The following GSK3B variants were observed in gnomAD, a reference collection of about 807,000 sequenced individuals.
GSK3B encodes the protein glycogen synthase kinase 3 beta.
GSK3B carries 15 observed loss-of-function variants against 56.4 expected under a neutral mutation model. That is an observed-to-expected ratio of 0.27 (90% CI 0.18 to 0.41). The LOEUF (loss-of-function observed/expected upper bound fraction) is 0.41, where lower values mean the gene tolerates loss of function less well. Ranked by LOEUF, GSK3B falls within the 10% of genes least tolerant of loss-of-function variation. The pLI is 1.00. For missense variants in GSK3B, 300 were observed against 513.4 expected (o/e 0.58, Z 4.02); for synonymous variants, 181 against 188.9 (o/e 0.96, Z 0.34).
At chr3:119,966,605 G>C (rs1049224814) in intron 2 of GSK3B, among the ~76,000 whole-genome samples, 1 of 152,184 alleles carries the variant, frequency 6.6e-6, no homozygotes, top group African/African-American at 2.4e-5. Context: ...TAAGGAATCA[G>C]AGAGACTGGC....
At chr3:119,847,280 A>T (rs2055868759) in intron 9 of GSK3B, among the ~76,000 whole-genome samples, 2 of 152,036 alleles carry the variant, frequency 1.3e-5, no homozygotes, top group South Asian at 4.1e-4. Context: ...CAGAACTTAA[A>T]GTATAATAAT....
intron 1 of GSK3B, among the ~76,000 whole-genome samples, chr3:120,052,071 CTCT>C (rs2058155033): frequency 6.6e-6 from 1 of 152,128 alleles, no homozygotes; most frequent in African/African-American, 2.4e-5. Context: ...CTAAATGTGC[CTCT>C]TCTTTATAAA....
At chr3:120,023,425 C>T (rs1167596526) in intron 1 of GSK3B, among the ~76,000 whole-genome samples, 1 of 151,004 alleles carries the variant, frequency 6.6e-6, no homozygotes, top group Non-Finnish European at 1.5e-5. Flanking sequence ...CCTTTTTTCT[C>T]ACCAATTTCC....
intron 7 of GSK3B, among the ~76,000 whole-genome samples, chr3:119,888,148 C>T (rs1391393983): frequency 6.6e-6 from 1 of 152,086 alleles, no homozygotes; most frequent in Non-Finnish European, 1.5e-5. Context: ...GAATAGAGAG[C>T]ACCAAAAATG....
At chr3:120,042,626 T>C (rs1268104988) in intron 1 of GSK3B, among the ~76,000 whole-genome samples, 1 of 152,116 alleles carries the variant, frequency 6.6e-6, no homozygotes, top group Admixed American at 6.5e-5. Context: ...GCCAATAATA[T>C]AGTTAAGGCA....
At chr3:119,837,368 T>C (rs573403992) in intron 10 of GSK3B, among the ~76,000 whole-genome samples, 2 of 151,070 alleles carry the variant, frequency 1.3e-5, no homozygotes, top group East Asian at 3.9e-4. Context: ...GGTTTCACCA[T>C]GTTGGCCAGG....
chr3:120,056,664 T>TAC (rs2058193768), intron 1 of GSK3B, among the ~76,000 whole-genome samples: 1 of 151,944 alleles, frequency 6.6e-6, no homozygotes. Context: ...TTTTTAAGAG[T>TAC]ACTAAGGAGT....
At chr3:119,998,992 G>A (rs903478621) in intron 2 of GSK3B, among the ~76,000 whole-genome samples, 1 of 152,076 alleles carries the variant, frequency 6.6e-6, no homozygotes, top group Admixed American at 6.5e-5. Flanking sequence ...CTATATCAAG[G>A]TTTAAAGTTT....
chr3:119,870,819 T>C (rs1333708312), intron 8 of GSK3B, among the ~76,000 whole-genome samples: 1 of 152,080 alleles, frequency 6.6e-6, no homozygotes, highest in East Asian at 1.9e-4. Context: ...TGATTTACCA[T>C]AAGCAATAGA....
chr3:120,019,788 A>G (rs183017507), intron 1 of GSK3B, among the ~76,000 whole-genome samples: 1 of 152,336 alleles, frequency 6.6e-6, no homozygotes, highest in Admixed American at 6.5e-5. Flanking sequence ...TGTATCAATC[A>G]CACATAGAAG....
At chr3:119,963,625 C>CAAAA (rs774359104) in intron 2 of GSK3B, among the ~76,000 whole-genome samples, 814 of 75,954 alleles carry the variant, frequency 0.011, 16 homozygotes, top group African/African-American at 0.03. Context: ...TTCTTCCCCA[C>CAAAA]AAAAAAAAAA....
chr3:119,876,759 A>T (rs1424995280), intron 7 of GSK3B, among the ~76,000 whole-genome samples: 1 of 152,152 alleles, frequency 6.6e-6, no homozygotes, highest in African/African-American at 2.4e-5. Flanking sequence ...TGCCCTTGTG[A>T]ATGGACTCAT....
chr3:120,067,076 A>C (rs2058286847), intron 1 of GSK3B, among the ~76,000 whole-genome samples: 1 of 152,164 alleles, frequency 6.6e-6, no homozygotes, highest in Non-Finnish European at 1.5e-5. Context: ...GGCCACAATC[A>C]AAGCTGTCCT....
intron 7 of GSK3B, among the ~76,000 whole-genome samples, chr3:119,886,115 T>C (rs1454021238): frequency 6.6e-6 from 1 of 152,008 alleles, no homozygotes; most frequent in Non-Finnish European, 1.5e-5. Flanking sequence ...CTTACAGAAT[T>C]GGAGAAAACA....
At chr3:119,851,899 T>C (rs371188797) in intron 9 of GSK3B, among the ~76,000 whole-genome samples, 68 of 152,324 alleles carry the variant, frequency 4.5e-4, no homozygotes, top group African/African-American at 1.3e-3. Flanking sequence ...TAGGCAATAA[T>C]TCAAATGCTA....
At chr3:120,061,587 G>C (rs1243936663) in intron 1 of GSK3B, among the ~76,000 whole-genome samples, 1 of 152,116 alleles carries the variant, frequency 6.6e-6, no homozygotes, top group Non-Finnish European at 1.5e-5. Context: ...ATTGTTATTA[G>C]TTCCAGGATT....
At chr3:119,854,128 A>T (rs1417561970) in intron 9 of GSK3B, among the ~76,000 whole-genome samples, 2 of 152,202 alleles carry the variant, frequency 1.3e-5, no homozygotes, top group Admixed American at 1.3e-4. Context: ...TTTAGCATGA[A>T]GGTCTGTTGA....
chr3:120,085,969 A>C (rs923506282), intron 1 of GSK3B, among the ~76,000 whole-genome samples: 9 of 152,192 alleles, frequency 5.9e-5, no homozygotes, highest in African/African-American at 2.2e-4. Flanking sequence ...TCCAAAAGAA[A>C]AACTACTTTG....
At chr3:119,979,791 C>G (rs2057442795) in intron 2 of GSK3B, among the ~76,000 whole-genome samples, 1 of 152,148 alleles carries the variant, frequency 6.6e-6, no homozygotes, top group Admixed American at 6.5e-5. Flanking sequence ...AGAGAAAAGG[C>G]ACCACAAATC....
Sources: allele counts gnomAD v4.1 joint callset (sites outside exome capture counted in the v4.1 genomes callset), GRCh38; gene constraint gnomAD v4.1.1; transcripts MANE v1.5; gene names NCBI Gene and HGNC (gene_info 2026-07-23, HGNC 2026-07-21).